CCDC122: variants seen among roughly 807,000 people sequenced by gnomAD.
The protein encoded by CCDC122 is coiled-coil domain-containing protein 122.
Under a neutral mutation model 37.0 loss-of-function variants are expected in CCDC122, and 38 were observed. That is an observed-to-expected ratio of 1.03 (90% confidence interval 0.79 to 1.35). The LOEUF (loss-of-function observed/expected upper bound fraction) is 1.35. Ranked by LOEUF, CCDC122 falls within the 40% of genes most tolerant of loss-of-function variation. The pLI, the probability that CCDC122 is intolerant of heterozygous loss-of-function variation, is 0.00. For synonymous variants in CCDC122, 83 were observed against 95.6 expected, an observed-to-expected ratio of 0.87 and a Z score of 0.77; for missense variants, 305 against 310.0, an observed-to-expected ratio of 0.98 and a Z score of 0.12.
chr13:43,834,263 A>G (rs1489832207), downstream of CCDC122, among the ~76,000 whole-genome samples: 2 of 152,210 alleles, frequency 1.3e-5, no homozygotes, highest in Non-Finnish European at 2.9e-5. Context: ...CATATGTAGA[A>G]AGCTGAAACT....
downstream of CCDC122, among the ~76,000 whole-genome samples, chr13:43,820,043 A>G (rs985400584): frequency 1.3e-5 from 2 of 152,080 alleles, no homozygotes; most frequent in African/African-American, 4.8e-5. Flanking sequence ...AGGATCTAAA[A>G]TTTTCAGCAC....
intron 3 of CCDC122, among the ~76,000 whole-genome samples, chr13:43,827,868 T>C (rs1484661562): frequency 2.0e-5 from 3 of 152,140 alleles, no homozygotes; most frequent in African/African-American, 7.2e-5. Context: ...CCATTGAAAT[T>C]TGTCCTAAAG....
At chr13:43,870,480 G>A (rs1343414325) in intron 2 of CCDC122, among the ~76,000 whole-genome samples, 2 of 151,984 alleles carry the variant, frequency 1.3e-5, no homozygotes, top group African/African-American at 4.8e-5. Context: ...CTTGAAAAAT[G>A]CATGCCCTCT....
At chr13:43,819,832 G>C (rs571347057), downstream of CCDC122, among the ~76,000 whole-genome samples, 3 of 151,920 alleles carry the variant, frequency 2.0e-5, no homozygotes, top group Non-Finnish European at 4.4e-5. Context: ...ATGAAATAAA[G>C]ATTTTAAAAT....
At chr13:43,849,818 C>T (rs1035461073) in intron 6 of CCDC122, among the ~76,000 whole-genome samples, 1 of 152,190 alleles carries the variant, frequency 6.6e-6, no homozygotes, top group Non-Finnish European at 1.5e-5. Context: ...TGCTGGTGCA[C>T]TCTCAGGGAA....
At chr13:43,868,060 A>AAT (rs10649639) in intron 4 of CCDC122, among the ~76,000 whole-genome samples, 1 of 151,142 alleles carries the variant, frequency 6.6e-6, no homozygotes, top group Non-Finnish European at 1.5e-5. Context: ...CAACAAATTC[A>AAT]CGGAACAAAA....
chr13:43,851,365 A>T (rs920029340), intron 6 of CCDC122, among the ~76,000 whole-genome samples: 3 of 152,226 alleles, frequency 2.0e-5, no homozygotes, highest in African/African-American at 7.2e-5. Flanking sequence ...ACTTTGGTGA[A>T]GGTTGCACAT....
downstream of CCDC122, among the ~76,000 whole-genome samples, chr13:43,823,169 G>A (rs74886869): frequency 1.5e-3 from 231 of 152,146 alleles, 1 homozygote; most frequent in African/African-American, 5.3e-3. Context: ...AATCCTACCA[G>A]GACTGGGTCC....
intron 1 of CCDC122, among the ~76,000 whole-genome samples, chr13:43,875,539 A>T (rs1303299842): frequency 1.3e-5 from 2 of 152,218 alleles, no homozygotes; most frequent in African/African-American, 4.8e-5. Context: ...CTGACCCACA[A>T]CCTGCAGCAA....
intron 1 of CCDC122, among the ~76,000 whole-genome samples, chr13:43,877,373 G>A (rs1405066652): frequency 2.6e-5 from 4 of 152,116 alleles, no homozygotes; most frequent in African/African-American, 4.8e-5. Flanking sequence ...ATTTTTTCAT[G>A]ATTCTGTGGT....
rs531766088 is a variant in CCDC122 at position 43,867,731 on chromosome 13, AC to A, written c.156+962del. Among the ~76,000 whole-genome samples, 423 of 152,294 alleles carry A rather than the reference AC, an allele frequency of 2.8e-3. 2 individuals carry two copies. The highest frequency in any genetic ancestry group is 6.8e-3 in the Middle Eastern group (2 of 294). On this transcript the variant is annotated intron_variant, in intron 4 of 6. Coordinates refer to ENST00000444614, the MANE Select transcript of CCDC122 (RefSeq NM_144974.5). ...AACTCTTTGAAGACTGAAAAGTTTT[AC>A]AAAAAATTTCTTTACAAAAATATGA...
At chr13:43,864,657 T>A (rs1954216545) in intron 4 of CCDC122, among the ~76,000 whole-genome samples, 1 of 152,164 alleles carries the variant, frequency 6.6e-6, no homozygotes, top group African/African-American at 2.4e-5. Context: ...TCTGCCTCCA[T>A]GACCCAAACA....
In CCDC122 at chr13:43,867,608, T is replaced by C. The variant is rs75156283; in HGVS notation, c.156+1086A>G. ...GTAATTATTTGTTTACTTCTTTCTC[T>C]TCCCAATAGATGGTAAGTAACATAA... On this transcript the variant is annotated intron_variant, in intron 4 of 6. Transcript: ENST00000444614. 2.0e-5 allele frequency among the ~76,000 whole-genome samples: 3 copies of C among 152,106 alleles called. No homozygotes were observed. In the East Asian group the frequency reaches 5.8e-4, roughly 29 times the overall value.
chr13:43,832,457 T>TA (rs777358980), downstream of CCDC122, among the ~76,000 whole-genome samples: 44 of 152,070 alleles, frequency 2.9e-4, no homozygotes, highest in Non-Finnish European at 4.9e-4. Context: ...CACAGAAATT[T>TA]AGAGTTTTAA....
At chr13:43,862,879 T>C (rs1005528083) in intron 4 of CCDC122, among the ~76,000 whole-genome samples, 22 of 151,416 alleles carry the variant, frequency 1.5e-4, no homozygotes, top group Admixed American at 2.6e-4. Context: ...TTAGTTTCTT[T>C]TGCCTTTAAT....
In CCDC122 at chr13:43,854,343, AAC is replaced by A. The variant is rs1175745020; in HGVS notation, c.672+4436_672+4437del. 3.3e-5 allele frequency: 5 copies of A among 152,314 alleles called. No individual in the cohort carries two copies. The East Asian group carries it at 9.6e-4, about 29-fold the overall frequency. 9.4% of individuals were successfully genotyped at this position (152,314 alleles called of 1,614,324 possible). ...CAAATAACCATCAGAGAATATTATG[AAC>A]ACCCCTACACACATAAGCTAGGAAA... On this transcript the variant is annotated intron_variant, in intron 6 of 6. Transcript: ENST00000444614.
chr13:43,840,379 ATTTT>A (rs1344549182), intron 6 of CCDC122, among the ~76,000 whole-genome samples: 1 of 151,938 alleles, frequency 6.6e-6, no homozygotes, highest in Non-Finnish European at 1.5e-5. Flanking sequence ...ATTTATTTTT[ATTTT>A]TATTTTTTAC....
chr13:43,862,744 G>T (rs1954148788), intron 4 of CCDC122, among the ~76,000 whole-genome samples: 4 of 152,076 alleles, frequency 2.6e-5, no homozygotes, highest in Admixed American at 2.6e-4. Context: ...TGCCCTGCTG[G>T]TTACATCAGG....
intron 6 of CCDC122, chr13:43,856,616 C>A: frequency 6.5e-6 from 1 of 154,552 alleles, no homozygotes; most frequent in Non-Finnish European, 1.4e-5. Flanking sequence ...GGCGATGGGG[C>A]GAGACTCTGT....
Sources: allele counts gnomAD v4.1 joint callset (sites outside exome capture counted in the v4.1 genomes callset), GRCh38; gene constraint gnomAD v4.1.1; transcripts MANE v1.5; gene names NCBI Gene and HGNC (gene_info 2026-07-23, HGNC 2026-07-21).